Variants in SDHC observed in about 807,000 individuals in gnomAD.
SDHC encodes succinate dehydrogenase complex subunit C.
SDHC carries 11 observed loss-of-function variants against 22.6 expected under a neutral mutation model. That is an observed-to-expected ratio of 0.49 (90% CI 0.31 to 0.81). SDHC has a LOEUF of 0.81. Among genes scored for constraint, SDHC ranks in the 30% least tolerant of loss-of-function variants. The pLI, the probability that SDHC is intolerant of heterozygous loss-of-function variation, is 0.05. For missense variants in SDHC, 160 were observed against 212.0 expected (o/e 0.75, Z 1.52); for synonymous variants, 80 against 77.8 (o/e 1.03, Z -0.15).
rs1671482659 is a variant in SDHC at position 161,336,391 on chromosome 1, G to A, written c.180-4203G>A. On this transcript the variant is annotated intron_variant, in intron 3 of 5. Transcript: ENST00000367975. The stretch of plus-strand genomic sequence containing the variant: ...AATCGCTTGAACCCGGGAGGCGGAG[G>A]TTGCAGTGAGCCAAGATTGCGCCAC... Among the ~76,000 whole-genome samples, 5 of 151,894 alleles carry A rather than the reference G, an allele frequency of 3.3e-5. 1 individual carries two copies. The South Asian group carries it at 1.0e-3, about 32-fold the overall frequency.
At chr1:161,323,736 C>T in intron 2 of SDHC, 66 bp downstream of exon 2, 1 of 1,295,752 alleles carries the variant, frequency 7.7e-7, no homozygotes, top group South Asian at 1.3e-5. Context: ...CGCTCTGTCA[C>T]CCAGGCTGGA....
intron 3 of SDHC, among the ~76,000 whole-genome samples, chr1:161,332,005 C>T (rs1671294609): frequency 6.6e-6 from 1 of 152,084 alleles, no homozygotes; most frequent in African/African-American, 2.4e-5. Context: ...GACAGGGTTT[C>T]ACTGTGCCAC....
intron 5 of SDHC, among the ~76,000 whole-genome samples, chr1:161,357,059 T>C (rs1672307822): frequency 6.6e-6 from 1 of 151,816 alleles, no homozygotes; most frequent in Admixed American, 6.6e-5. Flanking sequence ...GCCTCTTAAG[T>C]AGTTGGCGTT....
At chr1:161,352,212 A>G (rs535859009) in intron 4 of SDHC, among the ~76,000 whole-genome samples, 3 of 152,326 alleles carry the variant, frequency 2.0e-5, no homozygotes, top group African/African-American at 7.2e-5. Context: ...CTCATATTTA[A>G]TTCTCATATG....
intron 1 of SDHC, among the ~76,000 whole-genome samples, chr1:161,318,799 C>T (rs1043192963): frequency 1.3e-5 from 2 of 150,222 alleles, no homozygotes; most frequent in Non-Finnish European, 3.0e-5. Flanking sequence ...TTTGGGAGGC[C>T]GAGGCGGGAG....
chr1:161,339,566 A>G (rs1671632495), intron 3 of SDHC: 3 of 1,263,946 alleles, frequency 2.4e-6, no homozygotes, highest in African/African-American at 1.6e-5. Flanking sequence ...TCTCAGCCCT[A>G]TCAGTGATGC....
intron 1 of SDHC, among the ~76,000 whole-genome samples, chr1:161,317,369 T>C: frequency 6.6e-6 from 1 of 152,092 alleles, no homozygotes; most frequent in East Asian, 1.9e-4. Context: ...TTTTTTTATT[T>C]ACTTATTTTA....
chr1:161,354,849 A>G (rs1377027410), intron 4 of SDHC, among the ~76,000 whole-genome samples: 2 of 151,884 alleles, frequency 1.3e-5, no homozygotes, highest in African/African-American at 4.8e-5. Context: ...AGCTGGGACT[A>G]CAGGTGTGCG....
At chr1:161,314,473 C>G (rs749681215) in intron 1 of SDHC, 48 bp downstream of exon 1, 3 of 1,602,246 alleles carry the variant, frequency 1.9e-6, no homozygotes, top group African/African-American at 2.7e-5. Flanking sequence ...CTCCGGAGAT[C>G]TGAACTGGCC....
intron 2 of SDHC, among the ~76,000 whole-genome samples, chr1:161,327,265 G>T (rs1023276063): frequency 2.0e-5 from 3 of 152,150 alleles, no homozygotes; most frequent in African/African-American, 7.2e-5. Flanking sequence ...TCTATGTAAG[G>T]ACTAAACTAA....
In SDHC at chr1:161,360,962, A is replaced by T. The variant is rs564595374; in HGVS notation, c.406-1367A>T. ...ACCCCATCTCTACTAAAAATACAAA[A>T]ATTAGCTTGGCATGGTGGCATGCGC... On this transcript the variant is annotated intron_variant, in intron 5 of 5. Coordinates refer to ENST00000367975, the MANE Select transcript of SDHC (RefSeq NM_003001.5). Among the ~76,000 whole-genome samples, 10 of 152,152 alleles carry T rather than the reference A, an allele frequency of 6.6e-5. No homozygotes were observed. In the South Asian group the frequency reaches 2.1e-3, roughly 32 times the overall value.
intron 2 of SDHC, among the ~76,000 whole-genome samples, chr1:161,326,998 A>G (rs145415535): frequency 6.6e-6 from 1 of 152,106 alleles, no homozygotes; most frequent in Non-Finnish European, 1.5e-5. Flanking sequence ...ATCACAGCTC[A>G]CTGCAGCTTC....
At position 161,362,373 on chromosome 1, in the gene SDHC, G is replaced by A. The variant is rs749159544; in HGVS notation, c.450G>A (p.Gln150=). The A allele has an allele frequency of 6.8e-6, 11 of 1,612,790 alleles. No homozygotes were observed. In the African/African-American group the frequency reaches 1.5e-4, roughly 22 times the overall value. Residue 150 remains glutamine (Q), a synonymous_variant, in exon 6 of 6, where the codon CAG becomes CAA. Transcript: ENST00000367975. Reference sequence around the variant, plus strand: ...GCCTGAAGATTCCCCAGCTATACCAGTCTGGAGTGGTTGTCCTGGTTCTTA... The same window carrying A: ...GCCTGAAGATTCCCCAGCTATACCAATCTGGAGTGGTTGTCCTGGTTCTTA... ...GKGLKIPQLY[Q]SGVVVLVLTV...
chr1:161,315,830 C>T (rs1376887339), intron 1 of SDHC, among the ~76,000 whole-genome samples: 2 of 151,960 alleles, frequency 1.3e-5, no homozygotes, highest in Admixed American at 6.6e-5. Flanking sequence ...AGGGAACCGG[C>T]GTTCAGCATA....
chr1:161,332,982 C>T (rs1671338135), intron 3 of SDHC, among the ~76,000 whole-genome samples: 2 of 152,170 alleles, frequency 1.3e-5, no homozygotes, highest in Non-Finnish European at 2.9e-5. Context: ...CATTTCTTAG[C>T]CATCACCACC....
intron 3 of SDHC, among the ~76,000 whole-genome samples, chr1:161,337,915 A>G (rs1045489129): frequency 6.6e-6 from 1 of 152,176 alleles, no homozygotes; most frequent in Middle Eastern, 3.2e-3. Flanking sequence ...CATGCTGATA[A>G]TTATTCTCTT....
At chr1:161,353,445 G>A (rs1319410847) in intron 4 of SDHC, among the ~76,000 whole-genome samples, 1 of 152,140 alleles carries the variant, frequency 6.6e-6, no homozygotes, top group Non-Finnish European at 1.5e-5. Context: ...AGGGGTTCCT[G>A]CAGTCTTCTA....
At chr1:161,347,020 T>C (rs560123446) in intron 4 of SDHC, among the ~76,000 whole-genome samples, 1 of 152,132 alleles carries the variant, frequency 6.6e-6, no homozygotes, top group Non-Finnish European at 1.5e-5. Flanking sequence ...CCCCACCCAA[T>C]ATTTTCAATC....
At chr1:161,323,750 C>T (rs1185135781) in intron 2 of SDHC, 80 bp downstream of exon 2, 44 of 1,081,962 alleles carry the variant, frequency 4.1e-5, no homozygotes, top group South Asian at 3.7e-4. Flanking sequence ...GGCTGGAGTG[C>T]AATGGCGCGA....
Sources: allele counts gnomAD v4.1 joint callset (sites outside exome capture counted in the v4.1 genomes callset), GRCh38; gene constraint gnomAD v4.1.1; transcripts MANE v1.5; gene names NCBI Gene and HGNC (gene_info 2026-07-23, HGNC 2026-07-21).